DGCR8: variants seen among roughly 807,000 people sequenced by gnomAD.
DGCR8 encodes the protein microprocessor complex subunit DGCR8.
A neutral mutation model predicts 78.5 loss-of-function variants in DGCR8; 14 were observed. The ratio of observed to expected loss-of-function variants is 0.18; its 90% confidence interval spans 0.12 to 0.28. DGCR8 has a LOEUF of 0.28. Ranked by LOEUF, DGCR8 falls within the 10% of genes least tolerant of loss-of-function variation. The pLI is 1.00. For synonymous variants in DGCR8, 399 were observed against 402.4 expected (o/e 0.99, Z 0.10); for missense variants, 702 against 1,022.5 (o/e 0.69, Z 4.28).
chr22:20,083,132 C>T (rs62222182), intron 1 of DGCR8, among the ~76,000 whole-genome samples: 441 of 152,340 alleles, frequency 2.9e-3, no homozygotes, highest in Non-Finnish European at 5.0e-3. Context: ...CTGTAACCCA[C>T]CTGGCTCACT....
In DGCR8 at chr22:20,111,185, G is replaced by T. The variant is rs946911473; in HGVS notation, c.*1077G>T. ...TGGTGGCCCCTATGGGTGGGTGTGC[G>T]ATGGAAATGTGTTCCTGCCGGAGTC... On this transcript the variant is annotated 3_prime_UTR_variant, in exon 14 of 14. Transcript: ENST00000351989. The T allele has an allele frequency of 5.0e-6, 2 of 398,822 alleles. No individual in the cohort carries two copies. Among genetic ancestry groups the T allele is most frequent in the East Asian group, 7.1e-5 (2 of 28,072 alleles). The allele number at this position is 398,822 out of a possible 1,614,324, so 24.7% of individuals were successfully genotyped here. A position where few individuals can be genotyped will look rare whatever the true frequency, so the allele number is the denominator to read the frequency against.
Position 20,111,838 on chromosome 22 carries a change from T to A in DGCR8, c.*1730T>A. 5.4e-6 allele frequency: 1 copy of A among 185,116 alleles called. No individual in the cohort carries two copies. The highest frequency in any genetic ancestry group is 1.1e-5 in the Non-Finnish European group (1 of 89,706). 11.5% of individuals were successfully genotyped at this position (185,116 alleles called of 1,614,324 possible). ...TGGGCTGTGCCTGGAAGGCGAGCCT[T>A]GATTGTCTGAACACATAAAGCAAAC... On this transcript the variant is annotated 3_prime_UTR_variant, in exon 14 of 14. Coordinates refer to ENST00000351989, the MANE Select transcript of DGCR8 (RefSeq NM_022720.7).
chr22:20,091,410 T>C, intron 5 of DGCR8, 25 bp from the exon 6 acceptor site: 1 of 1,612,998 alleles, frequency 6.2e-7, no homozygotes, highest in Non-Finnish European at 8.5e-7. Context: ...TTAAGTAATT[T>C]GTTTCTCTGG....
At chr22:20,105,513 T>C (rs2049759229) in intron 9 of DGCR8, among the ~76,000 whole-genome samples, 2 of 152,244 alleles carry the variant, frequency 1.3e-5, no homozygotes, top group Non-Finnish European at 2.9e-5. Flanking sequence ...CAGTGGGCAA[T>C]GTCTCTGCAC....
At position 20,111,783 on chromosome 22, in the gene DGCR8, G is replaced by A. The variant is rs910434780; in HGVS notation, c.*1675G>A. ...CAGCCATGCTTCAAGGCCGGGGCAG[G>A]GGAGCCTGTGCTGATGCCATCCAGG... On this transcript the variant is annotated 3_prime_UTR_variant, in exon 14 of 14. Transcript: ENST00000351989. The A allele has an allele frequency of 3.0e-5, 7 of 232,946 alleles. No homozygotes were observed. Among genetic ancestry groups the A allele is most frequent in the African/African-American group, 1.4e-4 (6 of 44,424 alleles). 14.4% of individuals were successfully genotyped at this position (232,946 alleles called of 1,614,324 possible).
In DGCR8 at chr22:20,080,377, G is replaced by T. The variant is rs1026041059; in HGVS notation, c.-284G>T. ...CGGGCGGCTTGGGCAGCCCGCGGGCGCCTCAGGTAGGTGCGGGGCGCGAGG... is the reference window on the plus strand; with the variant it reads ...CGGGCGGCTTGGGCAGCCCGCGGGCTCCTCAGGTAGGTGCGGGGCGCGAGG... On this transcript the variant is annotated 5_prime_UTR_variant, in exon 1 of 14. Transcript: ENST00000351989. 4,061 of 962,214 alleles carry T rather than the reference G, an allele frequency of 4.2e-3. 12 individuals are homozygous for T. Among genetic ancestry groups the T allele is most frequent in the Non-Finnish European group, 4.7e-3 (3,850 of 821,264 alleles). The allele number at this position is 962,214 out of a possible 1,614,324, so 59.6% of individuals were successfully genotyped here. A position where few individuals can be genotyped will look rare whatever the true frequency, so the allele number is the denominator to read the frequency against.
intron 5 of DGCR8, 148 bp downstream of exon 5, chr22:20,090,406 G>T: frequency 1.0e-6 from 1 of 1,003,970 alleles, no homozygotes; most frequent in Non-Finnish European, 1.4e-6. Flanking sequence ...TGAAAGGCTT[G>T]TCTTCCTGTC....
At chr22:20,084,046 G>C (rs1482247622) in intron 1 of DGCR8, among the ~76,000 whole-genome samples, 1 of 152,196 alleles carries the variant, frequency 6.6e-6, no homozygotes, top group Non-Finnish European at 1.5e-5. Flanking sequence ...TGACAGTGCA[G>C]TGGTCATTGA....
At chr22:20,084,308 A>G (rs958542970) in intron 1 of DGCR8, among the ~76,000 whole-genome samples, 1 of 152,154 alleles carries the variant, frequency 6.6e-6, no homozygotes, top group African/African-American at 2.4e-5. Context: ...GCATGTGTGC[A>G]TCTTTACTGG....
At chr22:20,094,921 TC>T in intron 9 of DGCR8, 126 bp downstream of exon 9, 1 of 724,488 alleles carries the variant, frequency 1.4e-6, no homozygotes, top group Non-Finnish European at 2.4e-6. Flanking sequence ...GTTAGTCTCA[TC>T]CAGCCTCCAG....
intron 13 of DGCR8, among the ~76,000 whole-genome samples, chr22:20,109,624 G>A (rs567866345): frequency 3.3e-5 from 5 of 152,324 alleles, no homozygotes; most frequent in African/African-American, 7.2e-5. Context: ...GCCCCTGGTC[G>A]GAAGAGGGGC....
At chr22:20,106,731 C>G (rs749474291) in intron 11 of DGCR8, 33 bp downstream of exon 11, 11 of 1,533,554 alleles carry the variant, frequency 7.2e-6, no homozygotes, top group Middle Eastern at 1.8e-4. Flanking sequence ...CTGGTGGCCG[C>G]TGGGCGGGCG....
At chr22:20,100,541 TA>T in intron 9 of DGCR8, 1 of 979,606 alleles carries the variant, frequency 1.0e-6, no homozygotes, top group Non-Finnish European at 1.2e-6. Flanking sequence ...CCTGTCTGAG[TA>T]AAAGCCCTGC....
intron 1 of DGCR8, among the ~76,000 whole-genome samples, chr22:20,083,402 G>A (rs1348256774): frequency 6.6e-6 from 1 of 151,214 alleles, no homozygotes; most frequent in Non-Finnish European, 1.5e-5. Context: ...AAAGCTTATA[G>A]AGGGGAGGAA....
chr22:20,094,569 G>A (rs1465637987), intron 8 of DGCR8, 144 bp from the exon 9 acceptor site: 2 of 726,256 alleles, frequency 2.8e-6, no homozygotes, highest in African/African-American at 1.8e-5. Context: ...TCCTGACCCT[G>A]TCACTGAAGT....
At chr22:20,109,864 G>A (rs1465579203) in intron 13 of DGCR8, among the ~76,000 whole-genome samples, 161 bp from the exon 14 acceptor site, 2 of 152,240 alleles carry the variant, frequency 1.3e-5, no homozygotes, top group African/African-American at 2.4e-5. Context: ...GCCTGCCCCA[G>A]GCCTTCCCTG....
chr22:20,087,111 G>GC lies in DGCR8; in HGVS notation c.721-50dup, dbSNP rs758511332. The GC allele has an allele frequency of 6.4e-7, 1 of 1,562,506 alleles. No homozygotes were observed. The highest frequency in any genetic ancestry group is 8.7e-7 in the Non-Finnish European group (1 of 1,151,714). On this transcript the variant is annotated intron_variant, in intron 2 of 13. Transcript: ENST00000351989. The surrounding 1 kb of genome is among the most constrained non-coding windows in gnomAD (Gnocchi z 4.1). Reference sequence around the variant, plus strand: ...AGGAATGCTGTTGAGCTCTCCTGTTGCAGGAGCATGAGCGCCAGGGGCTCT... The same window carrying GC: ...AGGAATGCTGTTGAGCTCTCCTGTTGCCAGGAGCATGAGCGCCAGGGGCTCT...
intron 7 of DGCR8, 96 bp downstream of exon 7, chr22:20,092,066 A>C (rs2049571475): frequency 1.0e-6 from 1 of 955,386 alleles, no homozygotes; most frequent in Non-Finnish European, 1.6e-6. Flanking sequence ...GCCCTACTCT[A>C]CTGGAACGGG....
At position 20,090,206 on chromosome 22, in the gene DGCR8, G is replaced by A; in HGVS notation, c.1254G>A (p.Gly418=). 6 of 1,612,980 alleles carry A rather than the reference G, an allele frequency of 3.7e-6. No homozygotes were observed. Among genetic ancestry groups the A allele is most frequent in the Non-Finnish European group, 5.1e-6 (6 of 1,179,710 alleles). Residue 418 remains glycine (G), a synonymous_variant, in exon 5 of 14, where the codon GGG becomes GGA. Transcript: ENST00000351989. The part of the protein sequence containing the change: ...KDPLGAEAAP[G]ALGQVKAKVE... The stretch of plus-strand genomic sequence containing the variant: ...CACTAGGGGCTGAGGCAGCCCCTGG[G>A]GCCCTGGGGCAGGTGAAGGCCAAAG...
Sources: gnomAD v4.1 joint callset for allele counts (sites outside exome capture counted in the v4.1 genomes callset) on GRCh38, gnomAD v4.1.1 for gene constraint, Gnocchi (gnomAD v3.1) non-coding constraint, MANE v1.5 for transcripts, NCBI Gene and HGNC (gene_info 2026-07-23, HGNC 2026-07-21) for gene names.